Variants in COL6A5 observed in about 807,000 individuals in gnomAD.
COL6A5 encodes the protein collagen type VI alpha 5 chain, also known as collagen alpha-5(VI) chain.
Under a neutral mutation model 65.6 loss-of-function variants are expected in COL6A5, and 48 were observed. The ratio of observed to expected loss-of-function variants is 0.73; its 90% CI spans 0.58 to 0.93. COL6A5 has a LOEUF of 0.93. Ranked by LOEUF, COL6A5 falls within the 40% of genes least tolerant of loss-of-function variation. The pLI is 0.00. For missense variants in COL6A5, 914 were observed against 928.3 expected (o/e 0.98, Z 0.20); for synonymous variants, 291 against 322.8 (o/e 0.90, Z 1.05).
chr3:130,465,776 T>G (rs971613927), intron 5 of COL6A5, among the ~76,000 whole-genome samples: 2 of 152,050 alleles, frequency 1.3e-5, no homozygotes, highest in African/African-American at 4.8e-5. Context: ...GATGTTAGAA[T>G]TAGCAAAGAT....
intron 1 of COL6A5, among the ~76,000 whole-genome samples, chr3:130,349,294 G>A (rs868804272): frequency 5.9e-5 from 9 of 152,224 alleles, no homozygotes; most frequent in Admixed American, 1.3e-4. Flanking sequence ...GAAAGGCACC[G>A]TAGTGCAATG....
At chr3:130,410,563 A>G in intron 20 of COL6A5, 39 bp downstream of exon 20, 1 of 1,499,748 alleles carries the variant, frequency 6.7e-7, no homozygotes, top group Middle Eastern at 1.7e-4. Context: ...CCTCCTTGCC[A>G]CTTGAAGATG....
At chr3:130,483,022 G>A (rs568278299) in intron 7 of COL6A5, among the ~76,000 whole-genome samples, 1 of 152,260 alleles carries the variant, frequency 6.6e-6, no homozygotes, top group South Asian at 2.1e-4. Context: ...ACTAACAGCA[G>A]ATCTCTCTGC....
At position 130,395,438 on chromosome 3, in the gene COL6A5, G is replaced by A. The variant is rs1361020749; in HGVS notation, c.3541G>A (p.Glu1181Lys). Reference sequence around the variant, plus strand: ...GGATGTGAAAAAAAGAATCATCCGTGAAATCTGCCAGAGCTGTGGGAAAAC... The same window carrying A: ...GGATGTGAAAAAAAGAATCATCCGTAAAATCTGCCAGAGCTGTGGGAAAAC... The change falls in exon 8 of 42, where the codon GAA becomes AAA. Residue 1181 changes from glutamate to lysine, a missense_variant and NMD_transcript_variant. Glu to Lys is a moderately conservative substitution (Grantham distance 56, BLOSUM62 1). Transcript: ENST00000312481. 7 of 1,545,376 alleles carry A rather than the reference G, an allele frequency of 4.5e-6. No homozygotes were observed. The East Asian group carries it at 1.7e-4, about 38-fold the overall frequency.
chr3:130,367,888 A>G (rs1324803177), intron 1 of COL6A5, among the ~76,000 whole-genome samples: 3 of 152,218 alleles, frequency 2.0e-5, no homozygotes, highest in South Asian at 2.1e-4. Flanking sequence ...TCATTTTCTC[A>G]TATTGTATGC....
At chr3:130,452,467 G>A (rs976979234) in intron 4 of COL6A5, among the ~76,000 whole-genome samples, 4 of 152,132 alleles carry the variant, frequency 2.6e-5, no homozygotes, top group African/African-American at 7.2e-5. Context: ...ATCACATGTC[G>A]GTAGGTTCCG....
chr3:130,345,992 G>T lies in COL6A5; in HGVS notation c.-29+11G>T. On this transcript the variant is annotated intron_variant and NMD_transcript_variant, in intron 1 of 41. Coordinates refer to the COL6A5 transcript ENST00000312481. ...CCCCGGGAAAGCTGGGTAAGTATGC[G>T]GTGCGGGGACTTGGGGCCTGAGGCA... The T allele has an allele frequency of 2.5e-6, 1 of 398,732 alleles. No individual in the cohort carries two copies. The highest frequency in any genetic ancestry group is 4.4e-6 in the Non-Finnish European group (1 of 226,174). 24.7% of individuals were successfully genotyped at this position (398,732 alleles called of 1,614,324 possible).
At chr3:130,388,833 T>C (rs1455656313) in exon 6 of COL6A5, 1 of 1,551,402 alleles carries the variant, frequency 6.4e-7, no homozygotes, top group South Asian at 1.2e-5. Flanking sequence ...ATGAAGGCAC[T>C]TTAACTGGAA....
At chr3:130,406,462 A>G (rs770057461) in intron 17 of COL6A5, 141 bp downstream of exon 17, 27 of 669,844 alleles carry the variant, frequency 4.0e-5, no homozygotes, top group Non-Finnish European at 6.4e-5. Context: ...TACTGAATGT[A>G]TGCTGCATAT....
At chr3:130,431,304 C>A (rs1447253407), upstream of COL6A5, 3 of 813,572 alleles carry the variant, frequency 3.7e-6, no homozygotes, top group Non-Finnish European at 6.2e-6. Flanking sequence ...GTTTGCAGGC[C>A]AGATTTCTTT....
At chr3:130,469,058 G>A (rs777430456) in exon 6 of COL6A5, 3 of 1,612,956 alleles carry the variant, frequency 1.9e-6, no homozygotes, top group Non-Finnish European at 2.5e-6. Flanking sequence ...TAACACTGAA[G>A]AATGCCCTGT....
intron 25 of COL6A5, 114 bp from the exon 26 acceptor site, chr3:130,421,039 C>A (rs1937507707): frequency 1.1e-6 from 1 of 888,442 alleles, no homozygotes; most frequent in Non-Finnish European, 1.8e-6. Flanking sequence ...CCAATTAGGC[C>A]CCTTCTGCAT....
intron 3 of COL6A5, among the ~76,000 whole-genome samples, chr3:130,378,721 G>A (rs775850378): frequency 3.9e-5 from 6 of 151,986 alleles, no homozygotes; most frequent in Non-Finnish European, 5.9e-5. Flanking sequence ...TCAGAACTCC[G>A]TGTGGCTGAA....
At chr3:130,478,284 G>A (rs1710147604) in intron 7 of COL6A5, among the ~76,000 whole-genome samples, 1 of 152,090 alleles carries the variant, frequency 6.6e-6, no homozygotes, top group African/African-American at 2.4e-5. Flanking sequence ...TGATATCAGA[G>A]CTAGTGGTTA....
At chr3:130,391,676 A>G in exon 7 of COL6A5, 1 of 1,551,640 alleles carries the variant, frequency 6.4e-7, no homozygotes, top group South Asian at 1.2e-5. Context: ...AAACAATACT[A>G]TCTATGTAGA....
chr3:130,376,949 T>A, intron 3 of COL6A5, 113 bp downstream of exon 3: 2 of 1,211,734 alleles, frequency 1.7e-6, no homozygotes, highest in East Asian at 2.6e-5. Flanking sequence ...GTTGAAGTAT[T>A]GGAAACTTCT....
At chr3:130,378,469 T>C (rs1210953078) in intron 3 of COL6A5, among the ~76,000 whole-genome samples, 9 of 152,186 alleles carry the variant, frequency 5.9e-5, no homozygotes, top group Non-Finnish European at 1.3e-4. Context: ...AGAATCATTA[T>C]CTCTTTCCTG....
chr3:130,481,480 A>G (rs1325201294), intron 7 of COL6A5, among the ~76,000 whole-genome samples: 2 of 152,088 alleles, frequency 1.3e-5, no homozygotes, highest in Non-Finnish European at 2.9e-5. Context: ...AGTCTTTGCT[A>G]TTGTGAATAG....
chr3:130,379,592 A>G lies in COL6A5; in HGVS notation c.842A>G (p.Asn281Ser), dbSNP rs1167029734. 6.4e-7 allele frequency: 1 copy of G among 1,551,490 alleles called. No homozygotes were observed. The highest frequency in any genetic ancestry group is 1.7e-4 in the Middle Eastern group (1 of 5,990). ...CGACTTGGACTGATGAGTTACAGCAATAGTGCCAAGACTATTTCTTTTCTT... is the reference window on the plus strand; with the variant it reads ...CGACTTGGACTGATGAGTTACAGCAGTAGTGCCAAGACTATTTCTTTTCTT... The change falls in exon 4 of 42, where the codon AAT becomes AGT. Residue 281 changes from asparagine to serine, a missense_variant and NMD_transcript_variant. Asn to Ser is a conservative substitution (Grantham distance 46). Transcript: ENST00000312481.
Sources: gnomAD v4.1 joint callset for allele counts (sites outside exome capture counted in the v4.1 genomes callset) on GRCh38, gnomAD v4.1.1 for gene constraint, MANE v1.5 for transcripts, NCBI Gene and HGNC (gene_info 2026-07-23, HGNC 2026-07-21) for gene names.